Variants in ATP2B1 observed in about 807,000 individuals in gnomAD.
The protein encoded by ATP2B1 is ATPase plasma membrane Ca2+ transporting 1.
ATP2B1 carries 14 observed loss-of-function variants against 124.2 expected under a neutral mutation model. The ratio of observed to expected loss-of-function variants is 0.11; its 90% confidence interval spans 0.07 to 0.18. The LOEUF (loss-of-function observed/expected upper bound fraction) is 0.18. Among genes scored for constraint, ATP2B1 ranks in the 10% least tolerant of loss-of-function variants. The pLI is 1.00. For missense variants in ATP2B1, 763 were observed against 1,466.1 expected (o/e 0.52, Z 7.83); for synonymous variants, 449 against 492.4 (o/e 0.91, Z 1.17).
chr12:89,614,157 A>C (rs543987214), intron 12 of ATP2B1, among the ~76,000 whole-genome samples: 31 of 152,276 alleles, frequency 2.0e-4, no homozygotes, highest in African/African-American at 7.5e-4. Flanking sequence ...TTAAACCGTA[A>C]GTCAATGTAT....
At chr12:89,682,065 A>C (rs1310176119) in intron 1 of ATP2B1, among the ~76,000 whole-genome samples, 2 of 152,172 alleles carry the variant, frequency 1.3e-5, no homozygotes, top group East Asian at 3.8e-4. Flanking sequence ...CAAAACATAC[A>C]TAAAATAGCC....
chr12:89,701,366 G>C (rs1891834583), intron 1 of ATP2B1, among the ~76,000 whole-genome samples: 1 of 152,044 alleles, frequency 6.6e-6, no homozygotes, highest in Non-Finnish European at 1.5e-5. Flanking sequence ...AATTCATTTG[G>C]AGATAACATA....
chr12:89,673,522 C>T (rs1212236937), intron 1 of ATP2B1, among the ~76,000 whole-genome samples: 2 of 152,084 alleles, frequency 1.3e-5, no homozygotes, highest in Admixed American at 6.6e-5. Flanking sequence ...CAGATCTGGT[C>T]GTATATAACA....
intron 5 of ATP2B1, among the ~76,000 whole-genome samples, chr12:89,634,319 A>G (rs190235338): frequency 8.5e-5 from 13 of 152,328 alleles, no homozygotes; most frequent in Admixed American, 8.5e-4. Context: ...TGGATTAGGT[A>G]AACTTTAAGG....
chr12:89,669,541 C>T (rs1887695852), intron 1 of ATP2B1, among the ~76,000 whole-genome samples: 1 of 152,150 alleles, frequency 6.6e-6, no homozygotes, highest in East Asian at 1.9e-4. Flanking sequence ...GCTTCAGCTT[C>T]CTCGTTTGTA....
At chr12:89,694,889 T>A (rs1190299868) in intron 1 of ATP2B1, among the ~76,000 whole-genome samples, 1 of 151,838 alleles carries the variant, frequency 6.6e-6, no homozygotes, top group African/African-American at 2.4e-5. Context: ...AAACCCTATC[T>A]CTACAAAAAG....
At chr12:89,634,263 C>T (rs1882343350) in intron 5 of ATP2B1, among the ~76,000 whole-genome samples, 1 of 152,092 alleles carries the variant, frequency 6.6e-6, no homozygotes, top group Non-Finnish European at 1.5e-5. Context: ...TCATATAATA[C>T]TAAATAGTTT....
chr12:89,631,935 G>A (rs1048989698), intron 5 of ATP2B1, among the ~76,000 whole-genome samples: 2 of 151,804 alleles, frequency 1.3e-5, no homozygotes, highest in Admixed American at 1.3e-4. Context: ...TCGGCCTGAA[G>A]GTTATACAAC....
chr12:89,676,043 T>C (rs1888567732), intron 1 of ATP2B1, among the ~76,000 whole-genome samples: 1 of 152,054 alleles, frequency 6.6e-6, no homozygotes, highest in Non-Finnish European at 1.5e-5. Context: ...GTCTGATATG[T>C]AAAACACAAA....
In ATP2B1 at chr12:89,593,470, G is replaced by A. The variant is rs73435082; in HGVS notation, c.3352-2175C>T. On this transcript the variant is annotated intron_variant, in intron 20 of 20. Coordinates refer to ENST00000428670, the MANE Select transcript of ATP2B1 (RefSeq NM_001366521.1). ...AGATAGAACAACAGTTAAGCTTTCTGTGTATGTGTGTGTTTTCCATCTGTT... is the reference window on the plus strand; with the variant it reads ...AGATAGAACAACAGTTAAGCTTTCTATGTATGTGTGTGTTTTCCATCTGTT... The A allele has an allele frequency of 3.1e-3, 470 of 152,150 alleles. 2 individuals are homozygous for A. The highest frequency in any genetic ancestry group is 0.01 in the African/African-American group (429 of 41,534). 9.4% of individuals were successfully genotyped at this position (152,150 alleles called of 1,614,324 possible).
chr12:89,645,877 T>A (rs1884372108), intron 2 of ATP2B1, among the ~76,000 whole-genome samples: 1 of 152,092 alleles, frequency 6.6e-6, no homozygotes, highest in African/African-American at 2.4e-5. Context: ...TCACATAAAT[T>A]GCTATCTGAA....
rs1265254629 is a variant in ATP2B1 at position 89,588,061 on chromosome 12, T to C, written c.*2923A>G. The C allele has an allele frequency of 6.6e-6, 1 of 152,590 alleles. No homozygotes were observed. Among genetic ancestry groups the C allele is most frequent in the Non-Finnish European group, 1.5e-5 (1 of 68,000 alleles). The allele number at this position is 152,590 out of a possible 1,614,324, so 9.5% of individuals were successfully genotyped here. A position where few individuals can be genotyped will look rare whatever the true frequency, so the allele number is the denominator to read the frequency against. ...AGTTCAGTCCCCATTCAGAAACAGATAAACAGTATATTTATTAAATGAGTT... is the reference window on the plus strand; with the variant it reads ...AGTTCAGTCCCCATTCAGAAACAGACAAACAGTATATTTATTAAATGAGTT... On this transcript the variant is annotated 3_prime_UTR_variant, in exon 21 of 21. Transcript: ENST00000428670.
Position 89,623,725 on chromosome 12 carries a change from C to T in ATP2B1, c.1344+458G>A, listed in dbSNP as rs970561407. Among the ~76,000 whole-genome samples, 4 of 152,330 alleles carry T rather than the reference C, an allele frequency of 2.6e-5. No individual in the cohort carries two copies. In the East Asian group the frequency reaches 7.7e-4, roughly 29 times the overall value. ...GTAAGCAAAGGCCAGACTGGCAGGGCCCTGCAGGCCATGGTAAGGAGTTTG... is the reference window on the plus strand; with the variant it reads ...GTAAGCAAAGGCCAGACTGGCAGGGTCCTGCAGGCCATGGTAAGGAGTTTG... On this transcript the variant is annotated intron_variant, in intron 9 of 20. Coordinates refer to ENST00000428670, the MANE Select transcript of ATP2B1 (RefSeq NM_001366521.1).
rs1200752430 is a variant in ATP2B1, at chr12:89,616,744, C to T, written c.2067+58G>A. 3.3e-6 allele frequency: 5 copies of T among 1,509,902 alleles called. No homozygotes were observed. In the East Asian group the frequency reaches 9.1e-5, roughly 27 times the overall value. The allele number at this position is 1,509,902 out of a possible 1,614,324, so 93.5% of individuals were successfully genotyped here. On this transcript the variant is annotated intron_variant, in intron 12 of 20. Transcript: ENST00000428670. ...ACTAGAAAACTGGTTACAATTAAGG[C>T]CTAGGTCCTCTATAGTTATGAGATT...
intron 20 of ATP2B1, among the ~76,000 whole-genome samples, chr12:89,598,252 T>C (rs1875078290): frequency 6.6e-6 from 1 of 152,166 alleles, no homozygotes; most frequent in African/African-American, 2.4e-5. Flanking sequence ...TTAGGAAACA[T>C]GCAATATAAA....
chr12:89,701,148 G>A (rs1166769997), intron 1 of ATP2B1, among the ~76,000 whole-genome samples: 1 of 152,158 alleles, frequency 6.6e-6, no homozygotes, highest in East Asian at 1.9e-4. Flanking sequence ...CTGATGCCTA[G>A]TGATTCTGTA....
chr12:89,664,291 T>C (rs959005901), intron 1 of ATP2B1, among the ~76,000 whole-genome samples: 5 of 152,216 alleles, frequency 3.3e-5, no homozygotes, highest in Non-Finnish European at 7.3e-5. Flanking sequence ...TTTTGATAGC[T>C]GTCATTTTCA....
Position 89,603,345 on chromosome 12 carries a change from T to A in ATP2B1, c.2849-91A>T. The A allele has an allele frequency of 9.3e-7, 1 of 1,077,300 alleles. No individual in the cohort carries two copies. The allele number at this position is 1,077,300 out of a possible 1,614,324, so 66.7% of individuals were successfully genotyped here. A position where few individuals can be genotyped will look rare whatever the true frequency, so the allele number is the denominator to read the frequency against. ...AATTACAACTTAGCTAGACCTTTTA[T>A]TTGATCTGAAATGGCAGCATGGAAG... On this transcript the variant is annotated intron_variant, in intron 17 of 20. Coordinates refer to ENST00000428670, the MANE Select transcript of ATP2B1 (RefSeq NM_001366521.1). The surrounding 1 kb of genome is among the most constrained non-coding windows in gnomAD (Gnocchi z 4.3).
At chr12:89,617,113 AGGC>A in intron 11 of ATP2B1, 74 bp from the exon 12 acceptor site, 1 of 1,130,260 alleles carries the variant, frequency 8.8e-7, no homozygotes. Context: ...GTGAACTGGC[AGGC>A]CTAGAAATCA....
Sources: gnomAD v4.1 joint callset for allele counts (sites outside exome capture counted in the v4.1 genomes callset) on GRCh38, gnomAD v4.1.1 for gene constraint, Gnocchi (gnomAD v3.1) non-coding constraint, MANE v1.5 for transcripts, NCBI Gene and HGNC (gene_info 2026-07-23, HGNC 2026-07-21) for gene names.